The following PLEKHH2 variants were observed in gnomAD, a reference collection of about 807,000 sequenced individuals.
PLEKHH2 encodes pleckstrin homology, MyTH4 and FERM domain containing H2.
PLEKHH2 carries 129 observed loss-of-function variants against 187.9 expected under a neutral mutation model. The ratio of observed to expected loss-of-function variants is 0.69; its 90% confidence interval spans 0.59 to 0.79. The LOEUF (loss-of-function observed/expected upper bound fraction) is 0.79. PLEKHH2 is among the 30% of genes least tolerant of loss of function. PLEKHH2 has a pLI of 0.00. For synonymous variants in PLEKHH2, 686 were observed against 605.6 expected, an observed-to-expected ratio of 1.13 and a Z score of -1.95; for missense variants, 2,076 against 1,751.2, an observed-to-expected ratio of 1.19 and a Z score of -3.31.
chr2:43,682,937 T>TACAC (rs1401192812), intron 3 of PLEKHH2, among the ~76,000 whole-genome samples: 10 of 126,680 alleles, frequency 7.9e-5, no homozygotes, highest in African/African-American at 2.3e-4. Context: ...ATGTTCCATA[T>TACAC]ATACACACAC....
At chr2:43,638,088 C>A (rs1703198347) in intron 1 of PLEKHH2, among the ~76,000 whole-genome samples, 1 of 152,192 alleles carries the variant, frequency 6.6e-6, no homozygotes. Flanking sequence ...GCCTGGCCCG[C>A]ACAGCGGTGT....
intron 20 of PLEKHH2, among the ~76,000 whole-genome samples, chr2:43,739,319 C>G (rs1190373730): frequency 6.6e-6 from 1 of 152,172 alleles, no homozygotes; most frequent in African/African-American, 2.4e-5. Flanking sequence ...TCACTATTGA[C>G]TCAGGATGCG....
rs148050900 is a variant in PLEKHH2 at position 43,760,510 on chromosome 2, A to C, written c.4071+1481A>C. ...TCCAAGTAGCTGGGATTACAGGCGCACACCACCACGCTCAGCTAATTTTTA... is the reference window on the plus strand; with the variant it reads ...TCCAAGTAGCTGGGATTACAGGCGCCCACCACCACGCTCAGCTAATTTTTA... On this transcript the variant is annotated intron_variant, in intron 27 of 29. Coordinates refer to ENST00000282406, the MANE Select transcript of PLEKHH2 (RefSeq NM_172069.4). Among the ~76,000 whole-genome samples, 1,117 of 151,922 alleles carry C rather than the reference A, an allele frequency of 7.4e-3. 15 individuals carry two copies. Among genetic ancestry groups the C allele is most frequent in the African/African-American group, 0.025 (1,050 of 41,456 alleles).
chr2:43,719,850 T>A (rs766194936), intron 15 of PLEKHH2, among the ~76,000 whole-genome samples: 6 of 152,204 alleles, frequency 3.9e-5, no homozygotes, highest in Non-Finnish European at 8.8e-5. Context: ...ACTTTCTCTT[T>A]TTTTATGTTA....
At chr2:43,724,672 G>A (rs534107468) in intron 16 of PLEKHH2, among the ~76,000 whole-genome samples, 17 of 152,242 alleles carry the variant, frequency 1.1e-4, no homozygotes, top group East Asian at 3.9e-4. Context: ...ATGATAGTTC[G>A]TTTTGCACTA....
At chr2:43,676,084 T>A in intron 2 of PLEKHH2, 2 of 1,613,916 alleles carry the variant, frequency 1.2e-6, no homozygotes, top group African/African-American at 2.7e-5. Context: ...GTAACTCTCA[T>A]CTTCGGATTC....
chr2:43,738,774 T>C (rs1283661792), intron 20 of PLEKHH2, among the ~76,000 whole-genome samples: 1 of 152,214 alleles, frequency 6.6e-6, no homozygotes, highest in African/African-American at 2.4e-5. Context: ...TTTTAAACTA[T>C]AGAAAATAAT....
At chr2:43,697,575 G>A (rs547513422) in intron 7 of PLEKHH2, among the ~76,000 whole-genome samples, 71 of 152,072 alleles carry the variant, frequency 4.7e-4, no homozygotes, top group Admixed American at 1.6e-3. Context: ...TTTTTCCTTC[G>A]TAATATATTT....
intron 9 of PLEKHH2, among the ~76,000 whole-genome samples, chr2:43,705,589 A>G (rs1669620328): frequency 6.6e-6 from 1 of 152,068 alleles, no homozygotes; most frequent in Non-Finnish European, 1.5e-5. Flanking sequence ...TCAACATCAG[A>G]TTTACCTGAT....
At chr2:43,658,927 T>C (rs1462625427) in intron 2 of PLEKHH2, 1 of 152,082 alleles carries the variant, frequency 6.6e-6, no homozygotes, top group Non-Finnish European at 1.5e-5. Context: ...GAGTTTTTTC[T>C]TTCAGTGACT....
chr2:43,754,224 A>T lies in PLEKHH2; in HGVS notation c.3795+464A>T, dbSNP rs150951220. Reference sequence around the variant, plus strand: ...CACACACAAAATTAATACTGACTTAATCAGAATAGAAGTATATTTAGCGCT... The same window carrying T: ...CACACACAAAATTAATACTGACTTATTCAGAATAGAAGTATATTTAGCGCT... On this transcript the variant is annotated intron_variant, in intron 25 of 29. Coordinates refer to ENST00000282406, the MANE Select transcript of PLEKHH2 (RefSeq NM_172069.4). Among the ~76,000 whole-genome samples the T allele has an allele frequency of 1.3e-3, 194 of 151,478 alleles. 2 individuals carry two copies. The highest frequency in any genetic ancestry group is 8.2e-3 in the South Asian group (39 of 4,780).
intron 24 of PLEKHH2, among the ~76,000 whole-genome samples, chr2:43,746,829 G>T (rs1671796580): frequency 6.6e-6 from 1 of 151,968 alleles, no homozygotes; most frequent in South Asian, 2.1e-4. Flanking sequence ...AATTAGCCAG[G>T]CGTGGTGGCG....
chr2:43,646,757 T>G (rs1326646352), intron 2 of PLEKHH2, among the ~76,000 whole-genome samples: 1 of 151,900 alleles, frequency 6.6e-6, no homozygotes, highest in Non-Finnish European at 1.5e-5. Flanking sequence ...TGAACATTGA[T>G]AGGAATGTTA....
chr2:43,660,646 A>G (rs1277134458), intron 2 of PLEKHH2, among the ~76,000 whole-genome samples: 1 of 107,678 alleles, frequency 9.3e-6, no homozygotes, highest in African/African-American at 3.9e-5. Context: ...CAGTCCCCAG[A>G]GTGTGATATT....
At chr2:43,688,942 C>A (rs781058076) in intron 3 of PLEKHH2, among the ~76,000 whole-genome samples, 2 of 152,166 alleles carry the variant, frequency 1.3e-5, no homozygotes, top group South Asian at 4.1e-4. Context: ...CCTGACTGAT[C>A]TTAGTCAGTC....
At chr2:43,765,316 C>G in intron 29 of PLEKHH2, 97 bp from the exon 30 acceptor site, 1 of 1,182,394 alleles carries the variant, frequency 8.5e-7, no homozygotes. Context: ...AGCCTGGGCA[C>G]TTGCAAATGG....
intron 16 of PLEKHH2, 76 bp downstream of exon 16, chr2:43,720,825 T>C (rs1670445051): frequency 5.3e-6 from 8 of 1,509,774 alleles, no homozygotes; most frequent in African/African-American, 2.8e-5. Flanking sequence ...TTTTCTCTCT[T>C]CTCTTACTTT....
At chr2:43,749,627 A>G (rs912635483) in intron 24 of PLEKHH2, among the ~76,000 whole-genome samples, 2 of 152,230 alleles carry the variant, frequency 1.3e-5, no homozygotes, top group Non-Finnish European at 2.9e-5. Flanking sequence ...AATTAACTCA[A>G]CTGAAAGGCT....
intron 7 of PLEKHH2, 69 bp downstream of exon 7, chr2:43,697,425 C>T (rs1157547293): frequency 1.6e-6 from 2 of 1,245,524 alleles, no homozygotes; most frequent in African/African-American, 1.5e-5. Flanking sequence ...TAAGATTAAT[C>T]CAAATATAGC....
Sources: allele counts gnomAD v4.1 joint callset (sites outside exome capture counted in the v4.1 genomes callset), GRCh38; gene constraint gnomAD v4.1.1; transcripts MANE v1.5; gene names NCBI Gene and HGNC (gene_info 2026-07-23, HGNC 2026-07-21).